CNTNAP5: variants seen among roughly 807,000 people sequenced by gnomAD.
The protein encoded by CNTNAP5 is contactin-associated protein-like 5.
Under a neutral mutation model 150.2 loss-of-function variants are expected in CNTNAP5, and 72 were observed. The observed-to-expected ratio is 0.48, with a 90% CI of 0.40 to 0.58. The LOEUF (loss-of-function observed/expected upper bound fraction) is 0.58. Ranked by LOEUF, CNTNAP5 falls within the 20% of genes least tolerant of loss-of-function variation. CNTNAP5 has a pLI of 0.00. For missense variants in CNTNAP5, 1,636 were observed against 1,626.2 expected (o/e 1.01, Z -0.10); for synonymous variants, 672 against 619.8 (o/e 1.08, Z -1.25).
chr2:124,249,985 GTGTGTGTA>G (rs60358686), intron 3 of CNTNAP5, among the ~76,000 whole-genome samples: 1,830 of 106,662 alleles, frequency 0.017, 16 homozygotes, highest in East Asian at 0.046. Context: ...GTGTGTGTGT[GTGTGTGTA>G]TGTGTTTCTT....
At chr2:124,079,362 C>T (rs1458182548) in intron 1 of CNTNAP5, among the ~76,000 whole-genome samples, 1 of 152,210 alleles carries the variant, frequency 6.6e-6, no homozygotes, top group Admixed American at 6.5e-5. Context: ...TGTATGGAAG[C>T]TCCAGGCACT....
intron 3 of CNTNAP5, among the ~76,000 whole-genome samples, chr2:124,251,909 C>T (rs192403436): frequency 1.2e-4 from 19 of 152,298 alleles, no homozygotes; most frequent in African/African-American, 4.3e-4. Context: ...ACAGAAGACA[C>T]AGCAGGTAAG....
chr2:124,110,709 G>A (rs747285609), intron 1 of CNTNAP5, among the ~76,000 whole-genome samples: 2 of 152,138 alleles, frequency 1.3e-5, no homozygotes, highest in African/African-American at 2.4e-5. Context: ...GGTAGTTTCC[G>A]AGGGCCACAC....
chr2:124,147,989 G>A (rs887732511), intron 1 of CNTNAP5, among the ~76,000 whole-genome samples: 3 of 152,204 alleles, frequency 2.0e-5, no homozygotes, highest in Non-Finnish European at 4.4e-5. Context: ...TAATAAATCT[G>A]TGCAGAAGGA....
rs143907174 is a variant in CNTNAP5 at position 124,274,245 on chromosome 2, C to T, written c.381+31852C>T. ...AGGTCAGGTGCTGAATAGCCACATA[C>T]TGGACAGCCACCTCACTAGCCACCT... On this transcript the variant is annotated intron_variant, in intron 3 of 23. Coordinates refer to ENST00000682447, the MANE Select transcript of CNTNAP5 (RefSeq NM_001367498.1). Among the ~76,000 whole-genome samples, 17 of 152,296 alleles carry T rather than the reference C, an allele frequency of 1.1e-4. No homozygotes were observed. The East Asian group carries it at 3.1e-3, about 28-fold the overall frequency.
chr2:124,802,172 G>T (rs1035657537), intron 19 of CNTNAP5, among the ~76,000 whole-genome samples: 1 of 152,188 alleles, frequency 6.6e-6, no homozygotes, highest in Admixed American at 6.5e-5. Context: ...AAGTCAGCAG[G>T]TGGAGTAAGG....
intron 1 of CNTNAP5, among the ~76,000 whole-genome samples, chr2:124,104,727 A>G (rs1683137859): frequency 2.0e-5 from 3 of 152,148 alleles, no homozygotes; most frequent in Admixed American, 1.3e-4. Flanking sequence ...GATGGTTGAT[A>G]TAAATAACAG....
chr2:124,336,114 G>T (rs188609113), intron 3 of CNTNAP5, among the ~76,000 whole-genome samples: 56 of 152,112 alleles, frequency 3.7e-4, no homozygotes, highest in Admixed American at 1.4e-3. Flanking sequence ...AATGGGCAAA[G>T]AGCAGATAAC....
intron 13 of CNTNAP5, among the ~76,000 whole-genome samples, chr2:124,720,971 G>GTCCA (rs2105115729): frequency 6.6e-6 from 1 of 152,038 alleles, no homozygotes; most frequent in East Asian, 1.9e-4. Flanking sequence ...AATAATGCTG[G>GTCCA]TCCATGCTCT....
chr2:124,458,901 C>T (rs936550892), intron 6 of CNTNAP5, among the ~76,000 whole-genome samples: 9 of 152,096 alleles, frequency 5.9e-5, no homozygotes, highest in Non-Finnish European at 1.3e-4. Context: ...TAAAGACCAA[C>T]ACTTATAATA....
intron 11 of CNTNAP5, among the ~76,000 whole-genome samples, chr2:124,590,561 CTTAA>C (rs1360470800): frequency 6.6e-6 from 1 of 152,174 alleles, no homozygotes; most frequent in Non-Finnish European, 1.5e-5. Context: ...GTTTGATAAA[CTTAA>C]TTAAATAAAT....
At position 124,790,126 on chromosome 2, in the gene CNTNAP5, C is replaced by T. The variant is rs1480435549; in HGVS notation, c.2977C>T (p.Pro993Ser). Residue 993 changes from proline (P) to serine (S), a missense_variant, in exon 18 of 24, where the codon CCC becomes TCC. By Grantham distance (74) the Pro-to-Ser change is moderately conservative. Coordinates refer to ENST00000682447, the MANE Select transcript of CNTNAP5 (RefSeq NM_001367498.1). ...TTGCACCAATTCACCTTATGAAGGG[C>T]CCTTTTGCAAAAAAGGTACCTTAGG... is the stretch of plus-strand genomic sequence containing the variant. ...CDCTNSPYEGPFCKKEVSAVF... is the reference protein window; with the variant it reads ...CDCTNSPYEGSFCKKEVSAVF... The T allele has an allele frequency of 6.2e-7, 1 of 1,610,550 alleles. No homozygotes were observed. Among genetic ancestry groups the T allele is most frequent in the Non-Finnish European group, 8.5e-7 (1 of 1,178,714 alleles).
rs545969074 is a variant in CNTNAP5 at position 124,669,307 on chromosome 2, C to G, written c.2077+21349C>G. On this transcript the variant is annotated intron_variant, in intron 13 of 23. Coordinates refer to ENST00000682447, the MANE Select transcript of CNTNAP5 (RefSeq NM_001367498.1). The stretch of plus-strand genomic sequence containing the variant: ...GCTCTACAGCCGCCAAATCCCATGG[C>G]AATACTAGGAGATCATTTCTTGATT... 1.9e-4 allele frequency among the ~76,000 whole-genome samples: 29 copies of G among 152,326 alleles called. No homozygotes were observed. In the South Asian group the frequency reaches 5.2e-3, roughly 27 times the overall value.
At chr2:124,258,875 A>G (rs956639684) in intron 3 of CNTNAP5, among the ~76,000 whole-genome samples, 1 of 141,066 alleles carries the variant, frequency 7.1e-6, no homozygotes, top group African/African-American at 2.7e-5. Context: ...TTTTTTTTTT[A>G]CTTTAAGTTT....
intron 12 of CNTNAP5, among the ~76,000 whole-genome samples, chr2:124,644,850 G>A (rs1486611940): frequency 2.0e-5 from 3 of 152,102 alleles, no homozygotes; most frequent in Non-Finnish European, 4.4e-5. Flanking sequence ...CTCGTACAGT[G>A]TTTGAAGCTA....
At chr2:124,461,259 A>G (rs1340067279) in intron 6 of CNTNAP5, among the ~76,000 whole-genome samples, 1 of 152,144 alleles carries the variant, frequency 6.6e-6, no homozygotes, top group Non-Finnish European at 1.5e-5. Flanking sequence ...TCACAATAGC[A>G]AAGACTTGGA....
chr2:124,786,540 A>G (rs1336528028), intron 17 of CNTNAP5, among the ~76,000 whole-genome samples: 1 of 151,588 alleles, frequency 6.6e-6, no homozygotes, highest in Non-Finnish European at 1.5e-5. Flanking sequence ...AAAGGAAAGA[A>G]AGAGAAAGGA....
intron 3 of CNTNAP5, among the ~76,000 whole-genome samples, chr2:124,268,060 G>A (rs1687657735): frequency 6.6e-6 from 1 of 152,076 alleles, no homozygotes; most frequent in African/African-American, 2.4e-5. Flanking sequence ...ATTTGCAAGG[G>A]GATTGGCCTT....
At chr2:124,754,902 G>C (rs1286553999) in intron 14 of CNTNAP5, among the ~76,000 whole-genome samples, 1 of 151,196 alleles carries the variant, frequency 6.6e-6, no homozygotes, top group East Asian at 1.9e-4. Flanking sequence ...TCAATGGAAA[G>C]AATAAAAAGG....
Sources: allele counts gnomAD v4.1 joint callset (sites outside exome capture counted in the v4.1 genomes callset), GRCh38; gene constraint gnomAD v4.1.1; transcripts MANE v1.5; gene names NCBI Gene and HGNC (gene_info 2026-07-23, HGNC 2026-07-21).